The following UBE2V2 variants were observed in gnomAD, a reference collection of about 807,000 sequenced individuals.
UBE2V2 encodes ubiquitin-conjugating enzyme E2 variant 2.
Under a neutral mutation model 17.2 loss-of-function variants are expected in UBE2V2, and 9 were observed. The ratio of observed to expected loss-of-function variants is 0.52; its 90% CI spans 0.32 to 0.91. UBE2V2 has a LOEUF of 0.91. UBE2V2 is among the 40% of genes least tolerant of loss of function. The pLI is 0.04. For synonymous variants in UBE2V2, 61 were observed against 57.5 expected (o/e 1.06, Z -0.28); for missense variants, 133 against 182.6 (o/e 0.73, Z 1.56).
intron 1 of UBE2V2, among the ~76,000 whole-genome samples, chr8:48,020,981 A>G (rs2091300783): frequency 6.6e-6 from 1 of 150,704 alleles, no homozygotes; most frequent in South Asian, 2.1e-4. Context: ...TCCTGGCCTC[A>G]AGTGCTTCTC....
At chr8:48,056,478 G>A (rs1201145938) in intron 3 of UBE2V2, among the ~76,000 whole-genome samples, 1 of 152,142 alleles carries the variant, frequency 6.6e-6, no homozygotes, top group Non-Finnish European at 1.5e-5. Context: ...ACTAGTGTAT[G>A]CAGGTTCCCA....
At chr8:48,040,109 A>T (rs1227779480) in intron 1 of UBE2V2, among the ~76,000 whole-genome samples, 1 of 150,168 alleles carries the variant, frequency 6.7e-6, no homozygotes, top group African/African-American at 2.5e-5. Flanking sequence ...AGTACGAAGG[A>T]TTCCCATATA....
At chr8:48,008,573 T>TGCGCTGTCTCGAATGCC in intron 1 of UBE2V2, 103 bp downstream of exon 1, 1 of 1,451,020 alleles carries the variant, frequency 6.9e-7, no homozygotes, top group Non-Finnish European at 9.1e-7. Context: ...GAAGCCCGAG[T>TGCGCTGTCTCGAATGCC]GCGCTGTCTC....
chr8:48,035,619 G>GTTTTTTT (rs770027131), intron 1 of UBE2V2, among the ~76,000 whole-genome samples: 5 of 84,616 alleles, frequency 5.9e-5, no homozygotes, highest in Non-Finnish European at 6.3e-5. Context: ...AAAAATTATT[G>GTTTTTTT]TTTTTTTTTT....
chr8:48,057,255 C>T (rs1019757651), intron 3 of UBE2V2, among the ~76,000 whole-genome samples: 2 of 152,076 alleles, frequency 1.3e-5, no homozygotes, highest in African/African-American at 4.8e-5. Context: ...ATTTATTTAG[C>T]TCTTTAATTT....
intron 1 of UBE2V2, chr8:48,034,989 G>C: frequency 1.0e-6 from 1 of 981,732 alleles, no homozygotes; most frequent in Non-Finnish European, 1.2e-6. Context: ...GGTGGTGTCA[G>C]GGTGTTCAGA....
intron 2 of UBE2V2, among the ~76,000 whole-genome samples, chr8:48,048,120 G>C (rs2091511755): frequency 6.6e-6 from 1 of 151,146 alleles, no homozygotes; most frequent in Non-Finnish European, 1.5e-5. Context: ...GAACATTCCT[G>C]TCATTCCAGA....
chr8:48,006,333 G>C (rs889716307), upstream of UBE2V2, among the ~76,000 whole-genome samples: 3 of 152,128 alleles, frequency 2.0e-5, no homozygotes, highest in African/African-American at 4.8e-5. Flanking sequence ...TAGATATGTG[G>C]AGTTATTTCT....
In UBE2V2 at chr8:48,008,543, C is replaced by G. The variant is rs1165859274; in HGVS notation, c.16+73C>G. The G allele has an allele frequency of 1.6e-5, 24 of 1,505,538 alleles. No homozygotes were observed. In the Admixed American group the frequency reaches 2.1e-4, roughly 13 times the overall value. 93.3% of individuals were successfully genotyped at this position (1,505,538 alleles called of 1,614,324 possible). On this transcript the variant is annotated intron_variant, in intron 1 of 3. Coordinates refer to ENST00000523111, the MANE Select transcript of UBE2V2 (RefSeq NM_003350.3). Reference sequence around the variant, plus strand: ...TGCCCCTCCGTCTGCTGCTGGCGCCCGAGCGCTGACCGTGCGGGAGAAGCC... The same window carrying G: ...TGCCCCTCCGTCTGCTGCTGGCGCCGGAGCGCTGACCGTGCGGGAGAAGCC...
chr8:48,008,590 C>T (rs2091203062), intron 1 of UBE2V2, 120 bp downstream of exon 1: 6 of 1,390,274 alleles, frequency 4.3e-6, no homozygotes, highest in Middle Eastern at 4.1e-4. Context: ...TCTCGAATGC[C>T]GCGCTCTCCG....
At chr8:48,020,676 G>T (rs1454472467) in intron 1 of UBE2V2, among the ~76,000 whole-genome samples, 1 of 152,112 alleles carries the variant, frequency 6.6e-6, no homozygotes, top group Non-Finnish European at 1.5e-5. Context: ...CCTGGTCATA[G>T]CTCACTATAA....
At chr8:48,049,620 T>C (rs2091521669) in intron 2 of UBE2V2, 1 of 308,538 alleles carries the variant, frequency 3.2e-6, no homozygotes. Context: ...TAGAATTAAT[T>C]TTGTAAAATC....
intron 1 of UBE2V2, among the ~76,000 whole-genome samples, chr8:48,018,034 G>A (rs1019035533): frequency 1.3e-5 from 2 of 150,906 alleles, no homozygotes; most frequent in South Asian, 2.1e-4. Flanking sequence ...ATGGGGTTTC[G>A]CCATGTTGGC....
intron 1 of UBE2V2, among the ~76,000 whole-genome samples, chr8:48,037,127 C>T (rs1301933541): frequency 1.3e-5 from 2 of 152,174 alleles, no homozygotes; most frequent in East Asian, 1.9e-4. Context: ...TGCAGTGAGC[C>T]GAGATCGTGC....
At chr8:48,035,618 TG>T (rs1230944829) in intron 1 of UBE2V2, among the ~76,000 whole-genome samples, 42 of 114,178 alleles carry the variant, frequency 3.7e-4, no homozygotes, top group Admixed American at 1.1e-3. Flanking sequence ...TAAAAATTAT[TG>T]TTTTTTTTTT....
At chr8:48,025,179 T>A (rs1211542794) in intron 1 of UBE2V2, among the ~76,000 whole-genome samples, 1 of 152,070 alleles carries the variant, frequency 6.6e-6, no homozygotes, top group African/African-American at 2.4e-5. Flanking sequence ...CCTCATGATC[T>A]GCCTGCCTCG....
At chr8:48,011,723 G>C (rs2091233163) in intron 1 of UBE2V2, among the ~76,000 whole-genome samples, 2 of 152,178 alleles carry the variant, frequency 1.3e-5, no homozygotes, top group African/African-American at 4.8e-5. Flanking sequence ...ATGCGATCAT[G>C]GCTCACTGCA....
At chr8:48,059,908 A>T in intron 3 of UBE2V2, among the ~76,000 whole-genome samples, 1 of 152,062 alleles carries the variant, frequency 6.6e-6, no homozygotes, top group Non-Finnish European at 1.5e-5. Context: ...TTGCTCTTTC[A>T]CAGAAGATTA....
At chr8:48,006,593 A>T (rs1373355685), upstream of UBE2V2, among the ~76,000 whole-genome samples, 2 of 152,166 alleles carry the variant, frequency 1.3e-5, no homozygotes, top group Non-Finnish European at 2.9e-5. Flanking sequence ...TTATCCACCA[A>T]GATCAAGTCG....
Sources: gnomAD v4.1 joint callset for allele counts (sites outside exome capture counted in the v4.1 genomes callset) on GRCh38, gnomAD v4.1.1 for gene constraint, MANE v1.5 for transcripts, NCBI Gene and HGNC (gene_info 2026-07-23, HGNC 2026-07-21) for gene names.